DSCAML1: variants seen among roughly 807,000 people sequenced by gnomAD.
DSCAML1 encodes cell adhesion molecule DSCAML1.
A neutral mutation model predicts 200.5 loss-of-function variants in DSCAML1; 38 were observed. The ratio of observed to expected loss-of-function variants is 0.19; its 90% CI spans 0.15 to 0.25. The LOEUF (loss-of-function observed/expected upper bound fraction) is 0.25. Among genes scored for constraint, DSCAML1 ranks in the 10% least tolerant of loss-of-function variants. The pLI is 1.00. For synonymous variants in DSCAML1, 1,215 were observed against 1,165.0 expected (o/e 1.04, Z -0.87); for missense variants, 2,223 against 2,858.8 (o/e 0.78, Z 5.07).
intron 3 of DSCAML1, among the ~76,000 whole-genome samples, chr11:117,554,093 C>T (rs1222939663): frequency 1.3e-5 from 2 of 152,144 alleles, no homozygotes; most frequent in Non-Finnish European, 2.9e-5. Context: ...TGTGAGGTCC[C>T]TAGAGTAGTC....
intron 3 of DSCAML1, among the ~76,000 whole-genome samples, chr11:117,649,911 C>T (rs969431269): frequency 1.3e-5 from 2 of 152,186 alleles, no homozygotes; most frequent in South Asian, 4.1e-4. Context: ...CATGGCCTCC[C>T]CAGGAGTTGC....
At chr11:117,510,354 G>T (rs540301914) in intron 8 of DSCAML1, among the ~76,000 whole-genome samples, 8 of 152,324 alleles carry the variant, frequency 5.3e-5, no homozygotes, top group African/African-American at 1.7e-4. Flanking sequence ...CTGTGGGCAA[G>T]GCACCTCCTC....
chr11:117,718,149 C>T (rs1467408074), intron 3 of DSCAML1, among the ~76,000 whole-genome samples: 1 of 152,218 alleles, frequency 6.6e-6, no homozygotes, highest in Non-Finnish European at 1.5e-5. Context: ...GTGATAATAG[C>T]CTGCCTGTAT....
intron 3 of DSCAML1, among the ~76,000 whole-genome samples, chr11:117,769,107 AATAG>A (rs1296053268): frequency 7.7e-6 from 1 of 129,118 alleles, no homozygotes; most frequent in Non-Finnish European, 1.6e-5. Flanking sequence ...TTATATATAT[AATAG>A]ATATTTTATA....
chr11:117,737,131 A>G (rs1197498829), intron 3 of DSCAML1, among the ~76,000 whole-genome samples: 1 of 152,208 alleles, frequency 6.6e-6, no homozygotes, highest in Non-Finnish European at 1.5e-5. Flanking sequence ...CTGAAAGAAC[A>G]CGGTCCTATG....
chr11:117,612,911 C>T (rs74941224), intron 3 of DSCAML1, among the ~76,000 whole-genome samples: 2,418 of 152,246 alleles, frequency 0.016, 29 homozygotes, highest in East Asian at 0.057. Flanking sequence ...GAGTTCCAGT[C>T]CTGCCACTCA....
At chr11:117,632,457 C>G (rs2052194733) in intron 3 of DSCAML1, among the ~76,000 whole-genome samples, 1 of 152,178 alleles carries the variant, frequency 6.6e-6, no homozygotes, top group Non-Finnish European at 1.5e-5. Context: ...CTTGTTTAAA[C>G]TTTGCTCATA....
intron 21 of DSCAML1, 87 bp downstream of exon 21, chr11:117,443,799 G>T: frequency 6.7e-7 from 1 of 1,494,330 alleles, no homozygotes; most frequent in Non-Finnish European, 8.9e-7. Context: ...AGCGGAGCAG[G>T]CAGAGACCCT....
rs1168369430 is a variant in DSCAML1, at chr11:117,780,290, A to AAGAAAGAC, written c.364+202_364+203insGTCTTTCT. Among the ~76,000 whole-genome samples, 4,201 of 100,188 alleles carry AAGAAAGAC rather than the reference A, an allele frequency of 0.042. 132 individuals are homozygous for AAGAAAGAC. Among genetic ancestry groups the AAGAAAGAC allele is most frequent in the South Asian group, 0.065 (181 of 2,766 alleles). The allele number at this position is 100,188 out of a possible 152,430, so 65.7% of individuals were successfully genotyped here. On this transcript the variant is annotated intron_variant, in intron 2 of 32. Coordinates refer to ENST00000651296, the MANE Select transcript of DSCAML1 (RefSeq NM_020693.4). The surrounding 1 kb of genome is among the most constrained non-coding windows in gnomAD (Gnocchi z 4.8). ...AAAGAAAGAAAGAAAGAAAGAAAGA[A>AAGAAAGAC]AGAAAGAAAGAAAGAGAGAAAGGAG...
chr11:117,683,334 G>A (rs1327922028), intron 3 of DSCAML1, among the ~76,000 whole-genome samples: 1 of 152,198 alleles, frequency 6.6e-6, no homozygotes, highest in Non-Finnish European at 1.5e-5. Flanking sequence ...CTAGGTCAGT[G>A]GTAAACTGGA....
chr11:117,807,249 T>C (rs904074255), intron 1 of DSCAML1, among the ~76,000 whole-genome samples: 8 of 152,230 alleles, frequency 5.3e-5, no homozygotes, highest in Non-Finnish European at 1.2e-4. Flanking sequence ...GCCATCAGTC[T>C]AGTTGCTCTG....
intron 3 of DSCAML1, among the ~76,000 whole-genome samples, chr11:117,746,064 T>A (rs1591466012): frequency 2.7e-5 from 4 of 146,530 alleles, no homozygotes; most frequent in Admixed American, 1.3e-4. Context: ...AAAAAAAAAA[T>A]ACCAAAAATT....
rs1314576952 is a variant in DSCAML1 at position 117,428,794 on chromosome 11, C to T, written c.5696G>A (p.Cys1899Tyr). The T allele has an allele frequency of 1.9e-6, 3 of 1,600,948 alleles. No homozygotes were observed. Among genetic ancestry groups the T allele is most frequent in the Non-Finnish European group, 2.6e-6 (3 of 1,175,612 alleles). The change falls in exon 33 of 33, where the codon TGC becomes TAC. Residue 1899 changes from cysteine to tyrosine, a missense_variant. Physicochemically the swap from Cys to Tyr is radical, Grantham distance 194. Transcript: ENST00000651296. The stretch of plus-strand genomic sequence containing the variant: ...TGACTTGGCATACAGGGGCAGGTTG[C>T]AGTAGTCACCTGGAATCACAGAGGC... ...IPHRANKSDYCNLPLYAKSEA... is the reference protein window; with the variant it reads ...IPHRANKSDYYNLPLYAKSEA...
chr11:117,529,026 G>A (rs1044863660), intron 4 of DSCAML1, among the ~76,000 whole-genome samples: 4 of 149,988 alleles, frequency 2.7e-5, no homozygotes, highest in African/African-American at 9.8e-5. Flanking sequence ...TCTGTCCAGA[G>A]CTTCCTGTGT....
chr11:117,666,369 T>C (rs1466256401), intron 3 of DSCAML1, among the ~76,000 whole-genome samples: 1 of 152,234 alleles, frequency 6.6e-6, no homozygotes, highest in Non-Finnish European at 1.5e-5. Flanking sequence ...GTGTAATCAA[T>C]GTTAGTGCCC....
At chr11:117,769,164 A>ATG (rs1447980452) in intron 3 of DSCAML1, among the ~76,000 whole-genome samples, 3 of 24,576 alleles carry the variant, frequency 1.2e-4, no homozygotes, top group East Asian at 5.6e-3. Context: ...TATATATATT[A>ATG]TATATTTTAT....
At chr11:117,709,166 C>A (rs967473362) in intron 3 of DSCAML1, among the ~76,000 whole-genome samples, 11 of 152,232 alleles carry the variant, frequency 7.2e-5, no homozygotes, top group African/African-American at 2.7e-4. Flanking sequence ...ATGTGTGACC[C>A]TGTTGGCCAT....
In DSCAML1 at chr11:117,644,137, C is replaced by T. The variant is rs116449992; in HGVS notation, c.512-111615G>A. On this transcript the variant is annotated intron_variant, in intron 3 of 32. Coordinates refer to ENST00000651296, the MANE Select transcript of DSCAML1 (RefSeq NM_020693.4). Reference sequence around the variant, plus strand: ...AGTCCTGGGCTCAGGGCCGCCCGGTCGGCCTGCCCCTTGACTCGGGCGCTT... The same window carrying T: ...AGTCCTGGGCTCAGGGCCGCCCGGTTGGCCTGCCCCTTGACTCGGGCGCTT... Among the ~76,000 whole-genome samples the T allele has an allele frequency of 6.9e-3, 1,058 of 152,322 alleles. 11 individuals are homozygous for T. Among genetic ancestry groups the T allele is most frequent in the African/African-American group, 0.024 (984 of 41,576 alleles).
At chr11:117,685,912 C>T (rs1460470400) in intron 3 of DSCAML1, among the ~76,000 whole-genome samples, 2 of 152,160 alleles carry the variant, frequency 1.3e-5, no homozygotes, top group African/African-American at 4.8e-5. Flanking sequence ...ATTTGAGGCT[C>T]ATTTTTGGAA....
Sources: allele counts gnomAD v4.1 joint callset (sites outside exome capture counted in the v4.1 genomes callset), GRCh38; gene constraint gnomAD v4.1.1; non-coding constraint Gnocchi (gnomAD v3.1); transcripts MANE v1.5; gene names NCBI Gene and HGNC (gene_info 2026-07-23, HGNC 2026-07-21).